KLHDC10: variants seen among roughly 807,000 people sequenced by gnomAD.
KLHDC10 encodes kelch domain containing 10.
Under a neutral mutation model 56.1 loss-of-function variants are expected in KLHDC10, and 24 were observed. The observed-to-expected ratio is 0.43, with a 90% CI of 0.31 to 0.60. The LOEUF is 0.60. Ranked by LOEUF, KLHDC10 falls within the 20% of genes least tolerant of loss-of-function variation. KLHDC10 has a pLI of 0.11. For missense variants in KLHDC10, 349 were observed against 567.0 expected (o/e 0.62, Z 3.91); for synonymous variants, 188 against 207.1 (o/e 0.91, Z 0.79).
At chr7:130,100,847 T>C (rs1795919400) in intron 2 of KLHDC10, among the ~76,000 whole-genome samples, 1 of 152,160 alleles carries the variant, frequency 6.6e-6, no homozygotes, top group Admixed American at 6.6e-5. Flanking sequence ...CAATTAAAAT[T>C]GTGGTGTAGT....
intron 2 of KLHDC10, among the ~76,000 whole-genome samples, chr7:130,108,572 A>AAAAAAAAAAAAAAAAAAAAT (rs1405437913): frequency 6.9e-6 from 1 of 144,004 alleles, no homozygotes; most frequent in African/African-American, 2.6e-5. Flanking sequence ...AAAAAAAAAA[A>AAAAAAAAAAAAAAAAAAAAT]AGCTGGGCGT....
intron 1 of KLHDC10, among the ~76,000 whole-genome samples, chr7:130,085,833 C>CAA (rs55805509): frequency 3.8e-4 from 33 of 86,248 alleles, no homozygotes; most frequent in Admixed American, 1.1e-3. Flanking sequence ...GACTCTTTCT[C>CAA]AAAAAAAAAA....
At chr7:130,082,779 T>C (rs1296066849) in intron 1 of KLHDC10, among the ~76,000 whole-genome samples, 1 of 152,226 alleles carries the variant, frequency 6.6e-6, no homozygotes, top group Non-Finnish European at 1.5e-5. Context: ...AACGTCCTAA[T>C]TGCTAACTCC....
chr7:130,110,023 A>C lies in KLHDC10; in HGVS notation c.254-6422A>C, dbSNP rs1467931309. On this transcript the variant is annotated intron_variant, in intron 2 of 9. Transcript: ENST00000335420. Reference sequence around the variant, plus strand: ...GTATCTTTAGCCTCCTTCAGTGTTGAACAGTTTCTCAGCGTTTGTCTTTTT... The same window carrying C: ...GTATCTTTAGCCTCCTTCAGTGTTGCACAGTTTCTCAGCGTTTGTCTTTTT... 1.2e-4 allele frequency among the ~76,000 whole-genome samples: 18 copies of C among 152,326 alleles called. No homozygotes were observed. The South Asian group carries it at 3.7e-3, about 32-fold the overall frequency.
chr7:130,127,312 G>A (rs1176958129), intron 7 of KLHDC10, 92 bp from the exon 8 acceptor site: 2 of 993,960 alleles, frequency 2.0e-6, no homozygotes. Flanking sequence ...ATTGTTTTGA[G>A]TTACACGTAG....
chr7:130,071,187 C>T (rs1043301465), intron 1 of KLHDC10, among the ~76,000 whole-genome samples: 4 of 151,982 alleles, frequency 2.6e-5, no homozygotes, highest in Non-Finnish European at 5.9e-5. Flanking sequence ...AAAAAGGGTG[C>T]CAAGTTAAGG....
rs965371935 is a variant in KLHDC10, at chr7:130,130,266, G to A, written c.1120-271G>A. 1.3e-5 allele frequency among the ~76,000 whole-genome samples: 2 copies of A among 150,574 alleles called. No individual in the cohort carries two copies. The highest frequency in any genetic ancestry group is 2.9e-5 in the Non-Finnish European group (2 of 67,890). On this transcript the variant is annotated intron_variant, in intron 9 of 9. Transcript: ENST00000335420. This position sits in a 1 kb window ranked among gnomAD's most constrained non-coding sequence, Gnocchi z 4.2. ...ACCCGGGAGGCGGAGAGCTTGCAGT[G>A]AGCTGAAATTGCGCCACTGCACTCC...
At chr7:130,081,833 G>A (rs77475714) in intron 1 of KLHDC10, among the ~76,000 whole-genome samples, 53,988 of 151,982 alleles carry the variant, frequency 0.36, 10,712 homozygotes, top group Non-Finnish European at 0.44. Context: ...TCATTTCTGC[G>A]TTGGTTTTAT....
chr7:130,112,636 TA>T (rs1287860289), intron 2 of KLHDC10, among the ~76,000 whole-genome samples: 2 of 152,228 alleles, frequency 1.3e-5, no homozygotes, highest in African/African-American at 4.8e-5. Flanking sequence ...TAATAAAAAT[TA>T]ATGCTTAGTC....
intron 1 of KLHDC10, 65 bp downstream of exon 1, chr7:130,070,874 C>T (rs1795398912): frequency 8.4e-7 from 1 of 1,192,036 alleles, no homozygotes; most frequent in Non-Finnish European, 1.1e-6. Context: ...TTTTCTTTTT[C>T]TCCCTGGCTT....
intron 8 of KLHDC10, among the ~76,000 whole-genome samples, chr7:130,128,889 A>AAAAAAAAAAAAAAAAAAAAATATATAT: frequency 1.5e-5 from 1 of 66,954 alleles, no homozygotes; most frequent in Non-Finnish European, 2.8e-5. Context: ...AAAAAAAAAA[A>AAAAAAAAAAAAAAAAAAAAATATATAT]ATATATATAT....
intron 1 of KLHDC10, among the ~76,000 whole-genome samples, chr7:130,095,434 C>T (rs1223605392): frequency 6.6e-6 from 1 of 152,062 alleles, no homozygotes; most frequent in African/African-American, 2.4e-5. Context: ...AAACTTATTG[C>T]CTTGTCCATA....
intron 2 of KLHDC10, among the ~76,000 whole-genome samples, chr7:130,099,058 G>C (rs1008758854): frequency 6.6e-6 from 1 of 152,160 alleles, no homozygotes; most frequent in East Asian, 1.9e-4. Flanking sequence ...CCTCTTTGTA[G>C]TGTTTGAGGC....
chr7:130,072,270 G>C (rs1354364178), intron 1 of KLHDC10, among the ~76,000 whole-genome samples: 2 of 152,138 alleles, frequency 1.3e-5, no homozygotes, highest in African/African-American at 2.4e-5. Flanking sequence ...TATACCATGG[G>C]CTTCAAGTAG....
intron 1 of KLHDC10, among the ~76,000 whole-genome samples, chr7:130,089,448 A>C (rs911481851): frequency 6.6e-6 from 1 of 152,164 alleles, no homozygotes; most frequent in Non-Finnish European, 1.5e-5. Context: ...TGCCCCGCCA[A>C]AAAAAAGAGT....
intron 8 of KLHDC10, 145 bp from the exon 9 acceptor site, chr7:130,129,292 G>A (rs1022232268): frequency 2.6e-6 from 2 of 781,600 alleles, no homozygotes; most frequent in African/African-American, 3.5e-5. Context: ...AACAGCATGA[G>A]AGGCTGCACA....
intron 1 of KLHDC10, among the ~76,000 whole-genome samples, chr7:130,081,808 CT>C (rs1795611611): frequency 6.6e-6 from 1 of 152,228 alleles, no homozygotes; most frequent in Admixed American, 6.5e-5. Flanking sequence ...CTTTGTGCTA[CT>C]TTCAATGAAG....
At position 130,120,539 on chromosome 7, in the gene KLHDC10, T is replaced by C. The variant is rs1009859304; in HGVS notation, c.476-210T>C. Among the ~76,000 whole-genome samples, 1 of 152,246 alleles carries C rather than the reference T, an allele frequency of 6.6e-6. No homozygotes were observed. The highest frequency in any genetic ancestry group is 1.5e-5 in the Non-Finnish European group (1 of 68,050). On this transcript the variant is annotated intron_variant, in intron 3 of 9. Transcript: ENST00000335420. This position sits in a 1 kb window ranked among gnomAD's most constrained non-coding sequence, Gnocchi z 5.1. ...TGAGCATTTCCTTTAAGCATCATTGTTGGTGCGCAAAAAGTCTAATTCGGA... is the reference window on the plus strand; with the variant it reads ...TGAGCATTTCCTTTAAGCATCATTGCTGGTGCGCAAAAAGTCTAATTCGGA...
At chr7:130,128,886 AAAAATATATAT>A (rs1386603790) in intron 8 of KLHDC10, among the ~76,000 whole-genome samples, 1 of 99,062 alleles carries the variant, frequency 1.0e-5, no homozygotes, top group African/African-American at 4.2e-5. Context: ...AAAAAAAAAA[AAAAATATATAT>A]ATATATATAT....
Sources: gnomAD v4.1 joint callset for allele counts (sites outside exome capture counted in the v4.1 genomes callset) on GRCh38, gnomAD v4.1.1 for gene constraint, Gnocchi (gnomAD v3.1) non-coding constraint, MANE v1.5 for transcripts, NCBI Gene and HGNC (gene_info 2026-07-23, HGNC 2026-07-21) for gene names.